The following FUBP1 variants were observed in gnomAD, a reference collection of about 807,000 sequenced individuals.
FUBP1 encodes the protein far upstream element binding protein 1.
Under a neutral mutation model 94.9 loss-of-function variants are expected in FUBP1, and 16 were observed. The ratio of observed to expected loss-of-function variants is 0.17; its 90% confidence interval spans 0.11 to 0.26. FUBP1 has a LOEUF of 0.26. FUBP1 is among the 10% of genes least tolerant of loss of function. FUBP1 has a pLI of 1.00. For synonymous variants in FUBP1, 279 were observed against 254.9 expected, an observed-to-expected ratio of 1.09 and a Z score of -0.90; for missense variants, 583 against 808.6, an observed-to-expected ratio of 0.72 and a Z score of 3.38.
At position 77,945,455 on chromosome 1, in the gene FUBP1, T is replaced by G. The variant is rs1651956840; in HGVS notation, c.*3311A>C. ...AGGTACATTACACCCTATACCATAT[T>G]ATGTATGGGAATACATTTCATATTT... On this transcript the variant is annotated 3_prime_UTR_variant, in exon 20 of 20. Transcript: ENST00000370768. The G allele has an allele frequency of 4.7e-6, 1 of 211,756 alleles. No individual in the cohort carries two copies. The highest frequency in any genetic ancestry group is 5.9e-5 in the Admixed American group (1 of 17,078). 13.1% of individuals were successfully genotyped at this position (211,756 alleles called of 1,614,324 possible).
At chr1:77,977,715 C>G (rs990402122) in intron 1 of FUBP1, among the ~76,000 whole-genome samples, 4 of 152,150 alleles carry the variant, frequency 2.6e-5, no homozygotes, top group Non-Finnish European at 5.9e-5. Context: ...TAAACATGTT[C>G]AGAATTTCTT....
chr1:77,968,715 A>T (rs1656983500), intron 2 of FUBP1, among the ~76,000 whole-genome samples: 1 of 152,080 alleles, frequency 6.6e-6, no homozygotes, highest in Non-Finnish European at 1.5e-5. Context: ...TATTATTTAT[A>T]AACAAACATT....
chr1:77,950,559 A>G lies in FUBP1; in HGVS notation c.1781-1259T>C, dbSNP rs146985258. The stretch of plus-strand genomic sequence containing the variant: ...TAAAGCGCATACAGCAAACTTTTAA[A>G]AAATGATGAAGCTGAGTGTCTGATG... On this transcript the variant is annotated intron_variant, in intron 18 of 19. Coordinates refer to ENST00000370768, the MANE Select transcript of FUBP1 (RefSeq NM_003902.5). Among the ~76,000 whole-genome samples, 452 of 152,364 alleles carry G rather than the reference A, an allele frequency of 3.0e-3. 13 individuals are homozygous for G. Among genetic ancestry groups the G allele is most frequent in the Admixed American group, 0.027 (419 of 15,300 alleles).
At chr1:77,966,220 A>C (rs1238310056) in intron 7 of FUBP1, among the ~76,000 whole-genome samples, 3 of 152,206 alleles carry the variant, frequency 2.0e-5, no homozygotes, top group Non-Finnish European at 2.9e-5. Flanking sequence ...AAAGCTTCTT[A>C]TCATTTGCTT....
intron 18 of FUBP1, among the ~76,000 whole-genome samples, chr1:77,952,589 G>T (rs920097928): frequency 6.6e-6 from 1 of 152,174 alleles, no homozygotes; most frequent in Non-Finnish European, 1.5e-5. Flanking sequence ...TTGAGATAAA[G>T]ATATCTCCCT....
chr1:77,969,673 T>TAA (rs1427221214), intron 2 of FUBP1, among the ~76,000 whole-genome samples: 1 of 152,110 alleles, frequency 6.6e-6, no homozygotes, highest in African/African-American at 2.4e-5. Flanking sequence ...GGCACAATCC[T>TAA]AAAAGAGGGA....
chr1:77,952,609 T>C (rs1362228363), intron 18 of FUBP1, among the ~76,000 whole-genome samples: 4 of 152,220 alleles, frequency 2.6e-5, no homozygotes, highest in Non-Finnish European at 5.9e-5. Flanking sequence ...TATTATTCCC[T>C]TTCTCCTTCC....
intron 1 of FUBP1, among the ~76,000 whole-genome samples, chr1:77,977,675 G>A (rs761439433): frequency 9.9e-5 from 15 of 152,172 alleles, no homozygotes; most frequent in Non-Finnish European, 1.6e-4. Context: ...AACACGCTAA[G>A]AGTGTTTGTC....
chr1:77,972,657 G>A (rs1185380716), intron 1 of FUBP1, among the ~76,000 whole-genome samples: 3 of 151,344 alleles, frequency 2.0e-5, no homozygotes, highest in Non-Finnish European at 4.4e-5. Context: ...AGCTACTCGG[G>A]AGGCTCAGGC....
At chr1:77,962,323 C>A (rs763859919) in intron 14 of FUBP1, among the ~76,000 whole-genome samples, 1 of 152,122 alleles carries the variant, frequency 6.6e-6, no homozygotes, top group Non-Finnish European at 1.5e-5. Context: ...CATTTTAATA[C>A]CCCCAGATGA....
intron 1 of FUBP1, among the ~76,000 whole-genome samples, chr1:77,973,482 G>A (rs1469236999): frequency 2.7e-5 from 4 of 149,808 alleles, no homozygotes; most frequent in Non-Finnish European, 5.9e-5. Flanking sequence ...CTGACCGCAA[G>A]TGATCCACCC....
intron 18 of FUBP1, among the ~76,000 whole-genome samples, chr1:77,951,517 C>T (rs1415676163): frequency 1.3e-5 from 2 of 152,156 alleles, no homozygotes; most frequent in African/African-American, 2.4e-5. Flanking sequence ...ACTGCCTTAC[C>T]TTGCGCTCCC....
intron 1 of FUBP1, among the ~76,000 whole-genome samples, chr1:77,971,927 C>T (rs892839410): frequency 1.3e-5 from 2 of 150,690 alleles, no homozygotes; most frequent in African/African-American, 4.9e-5. Context: ...ACTGCTTGAA[C>T]CCAGGAAGTG....
chr1:77,955,167 T>C (rs1654217451), intron 18 of FUBP1, 88 bp downstream of exon 18: 1 of 668,858 alleles, frequency 1.5e-6, no homozygotes, highest in Non-Finnish European at 2.7e-6. Context: ...ACAAGTCCAG[T>C]GATTTTATTC....
rs1429321449 is a variant in FUBP1 at position 77,964,056 on chromosome 1, T to C, written c.1041+6A>G. On this transcript the variant is annotated splice_donor_region_variant and intron_variant, in intron 12 of 19. Coordinates refer to ENST00000370768, the MANE Select transcript of FUBP1 (RefSeq NM_003902.5). Reference sequence around the variant, plus strand: ...AAAAAATGAAAATGTTAACTTTCTATCAAACCTGAACACTTCGAAGAAGGT... The same window carrying C: ...AAAAAATGAAAATGTTAACTTTCTACCAAACCTGAACACTTCGAAGAAGGT... 6.7e-7 allele frequency: 1 copy of C among 1,489,398 alleles called. No homozygotes were observed. Among genetic ancestry groups the C allele is most frequent in the East Asian group, 2.3e-5 (1 of 44,282 alleles). The allele number at this position is 1,489,398 out of a possible 1,614,324, so 92.3% of individuals were successfully genotyped here.
Position 77,978,926 on chromosome 1 carries a change from C to G in FUBP1, c.79G>C (p.Val27Leu). The G allele has an allele frequency of 1.2e-6, 2 of 1,613,786 alleles. No individual in the cohort carries two copies. Among genetic ancestry groups the G allele is most frequent in the Non-Finnish European group, 1.7e-6 (2 of 1,179,836 alleles). Residue 27 changes from valine (V) to leucine (L), a missense_variant, in exon 1 of 20, where the codon GTT (valine) becomes CTT (leucine). Physicochemically the swap from Val to Leu is conservative, Grantham distance 32. Coordinates refer to ENST00000370768, the MANE Select transcript of FUBP1 (RefSeq NM_003902.5). Reference protein sequence around the residue: ...GGGGGGGGGGVNDAFKDALQR... With the variant: ...GGGGGGGGGGLNDAFKDALQR... Reference sequence around the variant, plus strand: ...AGTGCATCTTTGAAAGCGTCGTTAACTCCTCCACCACCACCGCCGCCACCA... The same window carrying G: ...AGTGCATCTTTGAAAGCGTCGTTAAGTCCTCCACCACCACCGCCGCCACCA...
chr1:77,957,948 C>T (rs1654775421), intron 16 of FUBP1, among the ~76,000 whole-genome samples: 1 of 151,928 alleles, frequency 6.6e-6, no homozygotes, highest in South Asian at 2.1e-4. Flanking sequence ...CCTGCCACCA[C>T]ATCCAGCTAA....
intron 16 of FUBP1, among the ~76,000 whole-genome samples, chr1:77,958,909 A>C (rs747359699): frequency 6.6e-6 from 1 of 152,190 alleles, no homozygotes; most frequent in Non-Finnish European, 1.5e-5. Context: ...TTAGTTGTTA[A>C]GAGTATTATA....
In FUBP1 at chr1:77,949,281, C is replaced by G; in HGVS notation, c.1800G>C (p.Pro600=). The change falls in exon 19 of 20, where the codon CCG becomes CCC. Residue 600 remains proline, a synonymous_variant. Coordinates refer to ENST00000370768, the MANE Select transcript of FUBP1 (RefSeq NM_003902.5). ...YKKMGQAVPA[P]TGAPPGGQPD... ...GCTGACCACCTGGAGGAGCCCCAGT[C>G]GGAGCAGGAACTGCCTGACCTTTGA... 4.3e-6 allele frequency: 7 copies of G among 1,613,668 alleles called. No individual in the cohort carries two copies. The highest frequency in any genetic ancestry group is 5.9e-6 in the Non-Finnish European group (7 of 1,179,662).
Sources: allele counts gnomAD v4.1 joint callset (sites outside exome capture counted in the v4.1 genomes callset), GRCh38; gene constraint gnomAD v4.1.1; transcripts MANE v1.5; gene names NCBI Gene and HGNC (gene_info 2026-07-23, HGNC 2026-07-21).